PTPRM: variants seen among roughly 807,000 people sequenced by gnomAD.
PTPRM encodes the protein receptor-type tyrosine-protein phosphatase mu.
In PTPRM, 47 loss-of-function variants were observed where a neutral mutation model predicts 186.7. The observed-to-expected ratio is 0.25, with a 90% CI of 0.20 to 0.32. The LOEUF (loss-of-function observed/expected upper bound fraction) is 0.32, where lower values mean the gene tolerates loss of function less well. Ranked by LOEUF, PTPRM falls within the 10% of genes least tolerant of loss-of-function variation. The pLI is 1.00. For missense variants in PTPRM, 1,494 were observed against 1,865.0 expected, an observed-to-expected ratio of 0.80 and a Z score of 3.66; for synonymous variants, 668 against 674.9, an observed-to-expected ratio of 0.99 and a Z score of 0.16.
intron 1 of PTPRM, among the ~76,000 whole-genome samples, chr18:7,602,459 G>A (rs951428001): frequency 1.0e-4 from 15 of 148,162 alleles, no homozygotes; most frequent in African/African-American, 3.5e-4. Flanking sequence ...ACAGGGTCTT[G>A]CTCTGTAGCC....
chr18:8,201,350 T>C (rs1036651048), intron 14 of PTPRM, among the ~76,000 whole-genome samples: 2 of 152,162 alleles, frequency 1.3e-5, no homozygotes, highest in Admixed American at 1.3e-4. Context: ...AAAACTAAAA[T>C]ATAATCTTCG....
At chr18:8,085,968 C>A in intron 10 of PTPRM, 96 bp downstream of exon 10, 1 of 1,183,600 alleles carries the variant, frequency 8.4e-7, no homozygotes, top group Non-Finnish European at 1.2e-6. Flanking sequence ...CCCACACTAA[C>A]ATTGTATCCA....
At chr18:8,095,968 T>C (rs1361805991) in intron 11 of PTPRM, among the ~76,000 whole-genome samples, 1 of 152,208 alleles carries the variant, frequency 6.6e-6, no homozygotes, top group Non-Finnish European at 1.5e-5. Flanking sequence ...TTGTTCTTAG[T>C]GTCTCTTGTT....
chr18:8,172,578 T>C (rs557392123), intron 14 of PTPRM, among the ~76,000 whole-genome samples: 2 of 152,094 alleles, frequency 1.3e-5, no homozygotes, highest in Admixed American at 1.3e-4. Flanking sequence ...CCCCCAGTGA[T>C]AGGGATCCTC....
chr18:8,026,608 A>G (rs1392102583), intron 7 of PTPRM, among the ~76,000 whole-genome samples: 3 of 152,172 alleles, frequency 2.0e-5, no homozygotes, highest in African/African-American at 4.8e-5. Context: ...TGTAATTCCA[A>G]CACTTTTGGA....
intron 8 of PTPRM, among the ~76,000 whole-genome samples, 182 bp downstream of exon 8, chr18:8,070,176 T>C (rs192358753): frequency 1.3e-5 from 2 of 152,352 alleles, no homozygotes; most frequent in East Asian, 1.9e-4. Context: ...AGTAGAGATA[T>C]AGAAATGTCA....
rs570419530 is a variant in PTPRM at position 7,929,610 on chromosome 18, G to A, written c.663+2927G>A. 2.1e-4 allele frequency among the ~76,000 whole-genome samples: 32 copies of A among 152,300 alleles called. No homozygotes were observed. In the South Asian group the frequency reaches 6.2e-3, roughly 30 times the overall value. On this transcript the variant is annotated intron_variant, in intron 5 of 32. Transcript: ENST00000580170. Reference sequence around the variant, plus strand: ...TTCCCTGGTTGGGTAGGCATTTTGTGGGGAAATATTTATTTTATTAATAGC... The same window carrying A: ...TTCCCTGGTTGGGTAGGCATTTTGTAGGGAAATATTTATTTTATTAATAGC...
chr18:8,099,339 C>T (rs2091180050), intron 11 of PTPRM, among the ~76,000 whole-genome samples: 1 of 152,192 alleles, frequency 6.6e-6, no homozygotes, highest in African/African-American at 2.4e-5. Flanking sequence ...CACCTACTAG[C>T]TCCTTCAGGG....
intron 21 of PTPRM, among the ~76,000 whole-genome samples, chr18:8,316,442 T>C (rs776175570): frequency 1.1e-4 from 16 of 152,062 alleles, no homozygotes; most frequent in Non-Finnish European, 2.1e-4. Flanking sequence ...CTCAAGGAGG[T>C]CACATACATG....
chr18:7,997,252 G>A (rs191793972), intron 7 of PTPRM, among the ~76,000 whole-genome samples: 64 of 152,188 alleles, frequency 4.2e-4, no homozygotes, highest in Non-Finnish European at 7.4e-4. Context: ...TAGTCAACTC[G>A]TTTTTGATAA....
intron 14 of PTPRM, 107 bp downstream of exon 14, chr18:8,143,886 C>T (rs2092820371): frequency 2.2e-6 from 3 of 1,363,102 alleles, no homozygotes; most frequent in Non-Finnish European, 2.1e-6. Flanking sequence ...ATAACCCAGA[C>T]ACATCTGTGA....
At chr18:8,126,027 A>ATATATATATATTTTTTTTT (rs57751538) in intron 13 of PTPRM, among the ~76,000 whole-genome samples, 1 of 69,536 alleles carries the variant, frequency 1.4e-5, no homozygotes, top group Non-Finnish European at 2.8e-5. Flanking sequence ...ATATATATAT[A>ATATATATATATTTTTTTTT]TTTTAAATCA....
At chr18:8,046,435 G>T (rs945308908) in intron 7 of PTPRM, among the ~76,000 whole-genome samples, 1 of 152,160 alleles carries the variant, frequency 6.6e-6, no homozygotes, top group Non-Finnish European at 1.5e-5. Flanking sequence ...ATGCATAGCT[G>T]AGTATACCAC....
intron 1 of PTPRM, 120 bp from the exon 2 acceptor site, chr18:7,774,029 C>A: frequency 3.0e-6 from 3 of 1,013,648 alleles, no homozygotes; most frequent in Non-Finnish European, 4.4e-6. Flanking sequence ...GTGGAAAGAC[C>A]TAATCAGATT....
intron 20 of PTPRM, among the ~76,000 whole-genome samples, chr18:8,309,017 G>A (rs1249753873): frequency 1.3e-5 from 2 of 152,196 alleles, no homozygotes; most frequent in African/African-American, 2.4e-5. Context: ...CAAGTTGTAT[G>A]TAAATGTAGC....
intron 1 of PTPRM, among the ~76,000 whole-genome samples, chr18:7,652,462 A>G (rs1168464778): frequency 6.6e-6 from 1 of 152,164 alleles, no homozygotes; most frequent in African/African-American, 2.4e-5. Context: ...ACGTATGTTT[A>G]TTGCGGCACT....
intron 1 of PTPRM, among the ~76,000 whole-genome samples, chr18:7,657,422 A>G (rs1355564435): frequency 6.6e-6 from 1 of 152,224 alleles, no homozygotes; most frequent in Non-Finnish European, 1.5e-5. Context: ...ATGAGTAGAC[A>G]CACACCTTGC....
chr18:7,914,593 C>G lies in PTPRM; in HGVS notation c.547+8010C>G, dbSNP rs1227472626. The stretch of plus-strand genomic sequence containing the variant: ...AATTTATCACAATGCTTACCACATT[C>G]TAAGAATTTAATTAATGTTAACTAT... On this transcript the variant is annotated intron_variant, in intron 4 of 32. Coordinates refer to ENST00000580170, the MANE Select transcript of PTPRM (RefSeq NM_001105244.2). Among the ~76,000 whole-genome samples the G allele has an allele frequency of 5.3e-5, 8 of 150,480 alleles. No homozygotes were observed. In the East Asian group the frequency reaches 1.6e-3, roughly 30 times the overall value.
intron 2 of PTPRM, among the ~76,000 whole-genome samples, chr18:7,821,742 C>A (rs1426630694): frequency 5.3e-5 from 8 of 152,088 alleles, no homozygotes; most frequent in African/African-American, 1.9e-4. Context: ...TGCAATACCC[C>A]AACAGTTGGC....
Sources: allele counts gnomAD v4.1 joint callset (sites outside exome capture counted in the v4.1 genomes callset), GRCh38; gene constraint gnomAD v4.1.1; transcripts MANE v1.5; gene names NCBI Gene and HGNC (gene_info 2026-07-23, HGNC 2026-07-21).